Variants in NCKAP5 observed in about 807,000 individuals in gnomAD.
NCKAP5 encodes the protein NCK associated protein 5, also known as nck-associated protein 5.
Under a neutral mutation model 167.0 loss-of-function variants are expected in NCKAP5, and 92 were observed. The ratio of observed to expected loss-of-function variants is 0.55; its 90% CI spans 0.47 to 0.66. The LOEUF is 0.66. NCKAP5 is among the 30% of genes least tolerant of loss of function. The probability of loss-of-function intolerance (pLI) is 0.00; values close to 1 mark genes in which losing one functional copy is unlikely to be tolerated. For missense variants in NCKAP5, 2,378 were observed against 2,315.0 expected, an observed-to-expected ratio of 1.03 and a Z score of -0.56; for synonymous variants, 891 against 877.4, an observed-to-expected ratio of 1.02 and a Z score of -0.27.
At chr2:133,574,457 C>T in the NCKAP5 span, among the ~76,000 whole-genome samples, 1 of 152,178 alleles carries the variant, frequency 6.6e-6, no homozygotes, top group Non-Finnish European at 1.5e-5. Flanking sequence ...GCCAGCAGAG[C>T]CCTGGGCTGA....
intron 6 of NCKAP5, among the ~76,000 whole-genome samples, chr2:133,035,360 G>A (rs968288096): frequency 1.3e-4 from 19 of 151,944 alleles, no homozygotes; most frequent in African/African-American, 4.6e-4. Flanking sequence ...CTTTGAGACA[G>A]GAAGTCAACA....
intron 2 of NCKAP5, among the ~76,000 whole-genome samples, chr2:133,524,736 T>C (rs1181738218): frequency 6.6e-6 from 1 of 152,220 alleles, no homozygotes; most frequent in African/African-American, 2.4e-5. Flanking sequence ...ATTAAGTCCA[T>C]AGAAAGGAAA....
At chr2:132,768,906 T>C (rs1016153941) in intron 16 of NCKAP5, among the ~76,000 whole-genome samples, 9 of 150,662 alleles carry the variant, frequency 6.0e-5, no homozygotes, top group Admixed American at 2.6e-4. Context: ...CCCAAAGTGC[T>C]GGGATTACAG....
chr2:133,588,261 T>C, the NCKAP5 span, among the ~76,000 whole-genome samples: 1 of 117,416 alleles, frequency 8.5e-6, no homozygotes, highest in Non-Finnish European at 1.8e-5. Context: ...GATTCCTTTT[T>C]CCTCCCTCCC....
intron 5 of NCKAP5, among the ~76,000 whole-genome samples, chr2:133,157,005 T>C (rs1445350379): frequency 6.6e-6 from 1 of 152,204 alleles, no homozygotes; most frequent in Non-Finnish European, 1.5e-5. Flanking sequence ...TCATACTGTG[T>C]ATGTCCCTTG....
At chr2:133,519,357 A>C (rs1229836692) in intron 2 of NCKAP5, among the ~76,000 whole-genome samples, 2 of 152,252 alleles carry the variant, frequency 1.3e-5, no homozygotes, top group Non-Finnish European at 2.9e-5. Flanking sequence ...AATTCTAGGC[A>C]GTATTTTTCA....
At chr2:132,935,934 A>G (rs180893630) in intron 8 of NCKAP5, among the ~76,000 whole-genome samples, 1 of 152,174 alleles carries the variant, frequency 6.6e-6, no homozygotes, top group Non-Finnish European at 1.5e-5. Context: ...ATCAGGAATG[A>G]TAATTCAGGC....
chr2:132,852,364 C>T (rs1355930547), intron 11 of NCKAP5, among the ~76,000 whole-genome samples: 2 of 152,178 alleles, frequency 1.3e-5, no homozygotes, highest in African/African-American at 2.4e-5. Context: ...AGGGTTTGAA[C>T]CTCTATTCAA....
chr2:133,517,420 A>G, intron 3 of NCKAP5, 38 bp downstream of exon 3: 1 of 1,243,982 alleles, frequency 8.0e-7, no homozygotes, highest in East Asian at 2.9e-5. Context: ...ATTCAAAGCC[A>G]AAACATATAG....
Position 132,832,879 on chromosome 2 carries a change from T to C in NCKAP5, c.807+27613A>G, listed in dbSNP as rs1305625784. On this transcript the variant is annotated intron_variant, in intron 11 of 19. Coordinates refer to ENST00000409261, the MANE Select transcript of NCKAP5 (RefSeq NM_207363.3). ...ACGGATTTATTTTCCTTTGGGTAGA[T>C]AGCCAGTAGTGGGATTGCTGGATCA... Among the ~76,000 whole-genome samples the C allele has an allele frequency of 2.6e-5, 4 of 152,174 alleles. No homozygotes were observed. In the East Asian group the frequency reaches 7.7e-4, roughly 29 times the overall value.
intron 8 of NCKAP5, among the ~76,000 whole-genome samples, chr2:132,900,342 C>T (rs1693520912): frequency 6.6e-6 from 1 of 152,160 alleles, no homozygotes; most frequent in Non-Finnish European, 1.5e-5. Context: ...GCAATATTCA[C>T]AAAGCACAGT....
intron 2 of NCKAP5, among the ~76,000 whole-genome samples, chr2:133,521,499 C>T (rs564729905): frequency 3.9e-5 from 6 of 152,346 alleles, no homozygotes; most frequent in East Asian, 1.9e-4. Flanking sequence ...ACAGACTGAG[C>T]GGATTACACA....
chr2:132,721,601 C>T (rs1269559620), intron 19 of NCKAP5, among the ~76,000 whole-genome samples: 1 of 152,192 alleles, frequency 6.6e-6, no homozygotes, highest in Non-Finnish European at 1.5e-5. Flanking sequence ...TATTGTCTTT[C>T]TCCTGTTTCT....
intron 19 of NCKAP5, among the ~76,000 whole-genome samples, chr2:132,701,842 T>G (rs1417115131): frequency 1.3e-5 from 2 of 152,156 alleles, no homozygotes; most frequent in Admixed American, 1.3e-4. Context: ...GTCCTCAATT[T>G]AAAAATGGTG....
intron 16 of NCKAP5, among the ~76,000 whole-genome samples, chr2:132,773,255 G>A (rs568845266): frequency 6.6e-6 from 1 of 152,298 alleles, no homozygotes; most frequent in East Asian, 1.9e-4. Flanking sequence ...GCTGTAAAGA[G>A]GTCAGCAAAG....
intron 11 of NCKAP5, among the ~76,000 whole-genome samples, chr2:132,805,121 A>C (rs928925574): frequency 6.6e-6 from 1 of 152,150 alleles, no homozygotes; most frequent in African/African-American, 2.4e-5. Context: ...AATAACAGCA[A>C]CAATAATAGC....
intron 4 of NCKAP5, among the ~76,000 whole-genome samples, chr2:133,247,506 C>T (rs1484118906): frequency 2.6e-5 from 4 of 152,210 alleles, no homozygotes; most frequent in Non-Finnish European, 5.9e-5. Context: ...TCCACCCCCA[C>T]CACTTTAAAT....
intron 3 of NCKAP5, among the ~76,000 whole-genome samples, chr2:133,425,151 CCAA>C (rs1368783028): frequency 6.6e-6 from 1 of 152,212 alleles, no homozygotes; most frequent in Non-Finnish European, 1.5e-5. Context: ...AACCTCTGTT[CCAA>C]ACATCTCCCT....
chr2:132,771,929 G>C (rs1220153335), intron 16 of NCKAP5, among the ~76,000 whole-genome samples: 1 of 146,116 alleles, frequency 6.8e-6, no homozygotes, highest in Non-Finnish European at 1.5e-5. Flanking sequence ...CTGACCTCGT[G>C]ATCCACCTGC....
Sources: gnomAD v4.1 joint callset for allele counts (sites outside exome capture counted in the v4.1 genomes callset) on GRCh38, gnomAD v4.1.1 for gene constraint, MANE v1.5 for transcripts, NCBI Gene and HGNC (gene_info 2026-07-23, HGNC 2026-07-21) for gene names.